Variants in IPPK observed in about 807,000 individuals in gnomAD.
The protein encoded by IPPK is inositol-pentakisphosphate 2-kinase.
In IPPK, 22 loss-of-function variants were observed where a neutral mutation model predicts 64.6. The ratio of observed to expected loss-of-function variants is 0.34; its 90% CI spans 0.24 to 0.49. The LOEUF (loss-of-function observed/expected upper bound fraction) is 0.49. Among genes scored for constraint, IPPK ranks in the 20% least tolerant of loss-of-function variants. The probability of loss-of-function intolerance (pLI) is 0.99; values close to 1 mark genes in which losing one functional copy is unlikely to be tolerated. For missense variants in IPPK, 532 were observed against 630.7 expected (o/e 0.84, Z 1.68); for synonymous variants, 262 against 247.2 (o/e 1.06, Z -0.56).
At chr9:92,658,488 G>T (rs1280978761) in intron 2 of IPPK, 146 bp downstream of exon 2, 1 of 724,974 alleles carries the variant, frequency 1.4e-6, no homozygotes, top group Non-Finnish European at 2.4e-6. Flanking sequence ...TTTATATCAG[G>T]AATGATGGAC....
chr9:92,647,496 CTCAACAAAAAACT>C (rs1852171049), intron 6 of IPPK, among the ~76,000 whole-genome samples: 3 of 152,138 alleles, frequency 2.0e-5, no homozygotes, highest in Non-Finnish European at 2.9e-5. Context: ...TTCAAAAACC[CTCAACAAAAAACT>C]AGCAAACTGA....
At chr9:92,644,456 C>T (rs909727270) in intron 6 of IPPK, among the ~76,000 whole-genome samples, 1 of 152,144 alleles carries the variant, frequency 6.6e-6, no homozygotes, top group African/African-American at 2.4e-5. Flanking sequence ...CGTTCTCAGA[C>T]AATCACTTAT....
In IPPK at chr9:92,637,921, C is replaced by A. The variant is rs1025656053; in HGVS notation, c.916+80G>T. 21 of 1,402,116 alleles carry A rather than the reference C, an allele frequency of 1.5e-5. No individual in the cohort carries two copies. The South Asian group carries it at 2.9e-4, about 19-fold the overall frequency. The allele number at this position is 1,402,116 out of a possible 1,614,324, so 86.9% of individuals were successfully genotyped here. A position where few individuals can be genotyped will look rare whatever the true frequency, so the allele number is the denominator to read the frequency against. On this transcript the variant is annotated intron_variant, in intron 9 of 12. Transcript: ENST00000287996. Reference sequence around the variant, plus strand: ...AGAGCCCCCAGGAGGCTGTGCTGACCGCCTGGCCACCCATGGGGACTGCAG... The same window carrying A: ...AGAGCCCCCAGGAGGCTGTGCTGACAGCCTGGCCACCCATGGGGACTGCAG...
At chr9:92,656,173 T>C (rs1852368671) in intron 3 of IPPK, among the ~76,000 whole-genome samples, 1 of 151,916 alleles carries the variant, frequency 6.6e-6, no homozygotes, top group Admixed American at 6.5e-5. Context: ...TTGAGGGGCA[T>C]TGCTCAAGAG....
At chr9:92,668,645 A>G (rs1364910485) in intron 1 of IPPK, among the ~76,000 whole-genome samples, 1 of 152,228 alleles carries the variant, frequency 6.6e-6, no homozygotes, top group Non-Finnish European at 1.5e-5. Context: ...CCCAACAACA[A>G]AAGGACTCAC....
At chr9:92,647,003 G>T (rs1169715584) in intron 6 of IPPK, among the ~76,000 whole-genome samples, 1 of 152,206 alleles carries the variant, frequency 6.6e-6, no homozygotes, top group Admixed American at 6.5e-5. Context: ...AAATGGGGGA[G>T]AGGGGAGCAG....
At chr9:92,652,757 T>C (rs1852294147) in intron 3 of IPPK, 118 bp from the exon 4 acceptor site, 3 of 480,398 alleles carry the variant, frequency 6.2e-6, no homozygotes, top group Non-Finnish European at 3.7e-6. Flanking sequence ...GTGTAATTTA[T>C]AATATTTTTT....
At chr9:92,651,331 A>G (rs139028634) in intron 4 of IPPK, among the ~76,000 whole-genome samples, 249 of 152,358 alleles carry the variant, frequency 1.6e-3, no homozygotes, top group Non-Finnish European at 2.9e-3. Context: ...ACTGACTGAA[A>G]AAAAAGGTTT....
chr9:92,633,824 A>G (rs1851887042), intron 11 of IPPK, among the ~76,000 whole-genome samples: 1 of 152,246 alleles, frequency 6.6e-6, no homozygotes, highest in Non-Finnish European at 1.5e-5. Flanking sequence ...CGTAATGGAA[A>G]GAAATGCTAA....
chr9:92,618,446 C>T (rs931981523), intron 12 of IPPK: 1 of 456,600 alleles, frequency 2.2e-6, no homozygotes, highest in Non-Finnish European at 4.4e-6. Context: ...AGTAACATGT[C>T]TGTCCTTCAG....
At chr9:92,649,714 T>C (rs1852222696) in intron 4 of IPPK, 140 bp from the exon 5 acceptor site, 11 of 1,019,694 alleles carry the variant, frequency 1.1e-5, no homozygotes, top group East Asian at 7.4e-5. Context: ...TCCCTGGGGA[T>C]TGTGGGACAC....
At chr9:92,637,812 G>A (rs922420933) in intron 9 of IPPK, among the ~76,000 whole-genome samples, 189 bp downstream of exon 9, 1 of 152,212 alleles carries the variant, frequency 6.6e-6, no homozygotes, top group Admixed American at 6.5e-5. Context: ...GCAGATAAAA[G>A]GCAAGAAAGG....
At chr9:92,652,448 CAAAAAAA>C (rs376104704) in intron 4 of IPPK, 118 bp downstream of exon 4, 5 of 217,106 alleles carry the variant, frequency 2.3e-5, no homozygotes, top group Admixed American at 7.8e-5. Flanking sequence ...GACTCCGTCT[CAAAAAAA>C]AAAAAAAAAA....
rs368557850 is a variant in IPPK at position 92,616,012 on chromosome 9, G to C, written c.1296C>G (p.Ala432=). ...CAAGGTCCAGCACAGACACGGAAAA[G>C]GCAAACCTGGACCTCGATGAAGGGA... ...PVVPSSRSRF[A]FSVSVLDLDL... The change falls in exon 13 of 13, where the codon GCC becomes GCG. Residue 432 remains alanine (A), a synonymous_variant. Coordinates refer to ENST00000287996, the MANE Select transcript of IPPK (RefSeq NM_022755.6). 2 of 1,614,034 alleles carry C rather than the reference G, an allele frequency of 1.2e-6. No individual in the cohort carries two copies. The highest frequency in any genetic ancestry group is 1.7e-6 in the Non-Finnish European group (2 of 1,180,040).
chr9:92,661,204 G>C (rs971835174), intron 1 of IPPK, among the ~76,000 whole-genome samples: 4 of 152,222 alleles, frequency 2.6e-5, no homozygotes, highest in African/African-American at 9.6e-5. Context: ...CACAAGGGCA[G>C]ATCAGGTCTC....
intron 9 of IPPK, among the ~76,000 whole-genome samples, chr9:92,636,147 A>C (rs1173086282): frequency 6.6e-6 from 1 of 152,230 alleles, no homozygotes; most frequent in African/African-American, 2.4e-5. Context: ...CATCTCCCAC[A>C]AAGAACCAAA....
chr9:92,623,901 C>T (rs1851688157), intron 11 of IPPK, among the ~76,000 whole-genome samples: 1 of 152,180 alleles, frequency 6.6e-6, no homozygotes, highest in Admixed American at 6.5e-5. Flanking sequence ...AAAATCTGTA[C>T]AAGAATATTC....
intron 6 of IPPK, among the ~76,000 whole-genome samples, chr9:92,645,215 A>G (rs2131445417): frequency 6.6e-6 from 1 of 151,694 alleles, no homozygotes; most frequent in African/African-American, 2.4e-5. Context: ...ACATGGTAAA[A>G]CCCTGTCCTA....
chr9:92,637,858 C>T (rs1328499954), intron 9 of IPPK, 143 bp downstream of exon 9: 20 of 828,352 alleles, frequency 2.4e-5, no homozygotes, highest in Admixed American at 3.1e-5. Context: ...AGCGAGGCCC[C>T]GTGCTGGGAG....
Sources: gnomAD v4.1 joint callset for allele counts (sites outside exome capture counted in the v4.1 genomes callset) on GRCh38, gnomAD v4.1.1 for gene constraint, MANE v1.5 for transcripts, NCBI Gene and HGNC (gene_info 2026-07-23, HGNC 2026-07-21) for gene names.